The following MS4A7 variants were observed in gnomAD, a reference collection of about 807,000 sequenced individuals.
The protein encoded by MS4A7 is membrane-spanning 4-domains subfamily A member 7.
In MS4A7, 21 loss-of-function variants were observed where a neutral mutation model predicts 23.5. The observed-to-expected ratio is 0.89, with a 90% CI of 0.63 to 1.29. The LOEUF (loss-of-function observed/expected upper bound fraction) is 1.29, where lower values mean the gene tolerates loss of function less well. Ranked by LOEUF, MS4A7 falls within the 50% of genes most tolerant of loss-of-function variation. MS4A7 has a pLI of 0.00. For missense variants in MS4A7, 263 were observed against 274.2 expected, an observed-to-expected ratio of 0.96 and a Z score of 0.29; for synonymous variants, 111 against 107.4, an observed-to-expected ratio of 1.03 and a Z score of -0.21.
chr11:60,381,588 C>T (rs888900444), intron 1 of MS4A7, among the ~76,000 whole-genome samples: 2 of 152,276 alleles, frequency 1.3e-5, no homozygotes, highest in Admixed American at 1.3e-4. Flanking sequence ...GATAAGGAAA[C>T]TGGGGATGAA....
rs561710998 is a variant in MS4A7 at position 60,383,041 on chromosome 11, C to T, written c.-13-88C>T. On this transcript the variant is annotated intron_variant, in intron 1 of 6. Transcript: ENST00000300184. The stretch of plus-strand genomic sequence containing the variant: ...GCCTTGGAATAATGGCAAATACCTT[C>T]TTAAGTTCCTACAAAGTATGGTCCC... The T allele has an allele frequency of 4.0e-4, 570 of 1,414,394 alleles. 2 individuals carry two copies. Among genetic ancestry groups the T allele is most frequent in the Middle Eastern group, 5.5e-4 (3 of 5,484 alleles). The allele number at this position is 1,414,394 out of a possible 1,614,324, so 87.6% of individuals were successfully genotyped here.
intron 5 of MS4A7, chr11:60,389,861 C>G (rs1322492428): frequency 2.2e-6 from 1 of 446,960 alleles, no homozygotes; most frequent in South Asian, 2.3e-5. Context: ...AACGTTCCAA[C>G]CTTAATGGGT....
Position 60,393,939 on chromosome 11 carries a change from G to T in MS4A7, c.*78G>T. 3.3e-6 allele frequency: 3 copies of T among 899,712 alleles called. No individual in the cohort carries two copies. The highest frequency in any genetic ancestry group is 5.0e-6 in the Non-Finnish European group (3 of 600,590). The allele number at this position is 899,712 out of a possible 1,614,324, so 55.7% of individuals were successfully genotyped here. A position where few individuals can be genotyped will look rare whatever the true frequency, so the allele number is the denominator to read the frequency against. ...GTGATTAGACTTTCCTGAAATCTCT[G>T]CCATTTTAGATACTGTGAAACAAAC... On this transcript the variant is annotated 3_prime_UTR_variant, in exon 7 of 7. Coordinates refer to ENST00000300184, the MANE Select transcript of MS4A7 (RefSeq NM_021201.5).
Position 60,392,733 on chromosome 11 carries a change from G to A in MS4A7, c.595G>A (p.Ala199Thr). The A allele has an allele frequency of 4.3e-6, 7 of 1,613,972 alleles. No homozygotes were observed. The highest frequency in any genetic ancestry group is 5.9e-6 in the Non-Finnish European group (7 of 1,179,962). The change falls in exon 6 of 7, where the codon GCT becomes ACT. Residue 199 changes from alanine (A) to threonine (T), a missense_variant. Physicochemically the swap from Ala to Thr is moderately conservative, Grantham distance 58 (BLOSUM62 0). Coordinates refer to ENST00000300184, the MANE Select transcript of MS4A7 (RefSeq NM_021201.5). ...CTTCACTGTGCTGGAGCTCTTATTAGCTGCATACAGTTCTGTCTTTTGGTG... is the reference window on the plus strand; with the variant it reads ...CTTCACTGTGCTGGAGCTCTTATTAACTGCATACAGTTCTGTCTTTTGGTG... Reference protein sequence around the residue: ...LIFTVLELLLAAYSSVFWWKQ... With the variant: ...LIFTVLELLLTAYSSVFWWKQ...
At chr11:60,391,638 GC>G (rs1164811739) in intron 5 of MS4A7, among the ~76,000 whole-genome samples, 1 of 152,120 alleles carries the variant, frequency 6.6e-6, no homozygotes, top group African/African-American at 2.4e-5. Context: ...TAGAAACCAG[GC>G]CAGGTGCAGT....
chr11:60,392,923 A>G (rs927188357), intron 6 of MS4A7, 137 bp downstream of exon 6: 8 of 613,926 alleles, frequency 1.3e-5, no homozygotes, highest in Non-Finnish European at 1.1e-5. Flanking sequence ...TTATAATTAA[A>G]AAAATGAGTT....
intron 4 of MS4A7, among the ~76,000 whole-genome samples, chr11:60,388,577 T>C (rs1171673032): frequency 6.6e-6 from 1 of 152,204 alleles, no homozygotes; most frequent in African/African-American, 2.4e-5. Flanking sequence ...CTGTATCTTC[T>C]TGAGTCAGGA....
At chr11:60,385,671 G>C (rs1448252381) in intron 3 of MS4A7, among the ~76,000 whole-genome samples, 1 of 152,124 alleles carries the variant, frequency 6.6e-6, no homozygotes, top group Non-Finnish European at 1.5e-5. Flanking sequence ...ATTAACAAGG[G>C]TAAGATTCAT....
In MS4A7 at chr11:60,383,161, C is replaced by T; in HGVS notation, c.20C>T (p.Thr7Ile). The change falls in exon 2 of 7, where the codon ACC becomes ATC. Residue 7 changes from threonine to isoleucine, a missense_variant. Coordinates refer to ENST00000300184, the MANE Select transcript of MS4A7 (RefSeq NM_021201.5). ...AGCATCATGCTATTACAATCCCAAACCATGGGGGTTTCTCACAGCTTTACA... is the reference window on the plus strand; with the variant it reads ...AGCATCATGCTATTACAATCCCAAATCATGGGGGTTTCTCACAGCTTTACA... MLLQSQ[T>I]MGVSHSFTPK... 1 of 1,613,998 alleles carries T rather than the reference C, an allele frequency of 6.2e-7. No individual in the cohort carries two copies. Among genetic ancestry groups the T allele is most frequent in the Non-Finnish European group, 8.5e-7 (1 of 1,179,946 alleles).
intron 2 of MS4A7, among the ~76,000 whole-genome samples, chr11:60,384,110 G>A (rs1187353031): frequency 2.0e-5 from 3 of 152,056 alleles, no homozygotes; most frequent in Admixed American, 6.6e-5. Context: ...CCTATTCACT[G>A]CCTATTTAGA....
intron 1 of MS4A7, among the ~76,000 whole-genome samples, chr11:60,381,745 G>A (rs114663695): frequency 2.0e-5 from 3 of 152,098 alleles, no homozygotes; most frequent in Non-Finnish European, 4.4e-5. Flanking sequence ...TATCCAACCT[G>A]TACCACAAAC....
chr11:60,392,055 T>C (rs953775813), intron 5 of MS4A7, among the ~76,000 whole-genome samples: 4 of 151,482 alleles, frequency 2.6e-5, no homozygotes, highest in Admixed American at 2.6e-4. Context: ...AATTAAAAAC[T>C]GAGCAGATCA....
At chr11:60,389,743 GC>G (rs1565168127) in intron 5 of MS4A7, 147 bp downstream of exon 5, 1 of 708,532 alleles carries the variant, frequency 1.4e-6, no homozygotes, top group Non-Finnish European at 2.5e-6. Context: ...GTTGGAAGAG[GC>G]CTGTCTGCTG....
At chr11:60,389,361 G>A (rs1204430664) in intron 4 of MS4A7, 29 bp from the exon 5 acceptor site, 3 of 1,575,332 alleles carry the variant, frequency 1.9e-6, no homozygotes, top group Admixed American at 1.7e-5. Context: ...ATTCTGTGAT[G>A]AGAACCCAAT....
In MS4A7 at chr11:60,392,862, G is replaced by T. The variant is rs2085569084; in HGVS notation, c.648+76G>T. On this transcript the variant is annotated intron_variant, in intron 6 of 6. Coordinates refer to ENST00000300184, the MANE Select transcript of MS4A7 (RefSeq NM_021201.5). ...TACAATAATCCAACCTCAAAAAGTG[G>T]CAAAAAGAAGAATCAATTATTGTTC... 12 of 1,042,970 alleles carry T rather than the reference G, an allele frequency of 1.2e-5. No homozygotes were observed. In the South Asian group the frequency reaches 1.5e-4, roughly 13 times the overall value. The allele number at this position is 1,042,970 out of a possible 1,614,324, so 64.6% of individuals were successfully genotyped here.
chr11:60,385,215 C>G lies in MS4A7; in HGVS notation c.275C>G (p.Ala92Gly), dbSNP rs148346043. The G allele has an allele frequency of 4.2e-3, 6,770 of 1,614,000 alleles. 26 individuals are homozygous for G. The highest frequency in any genetic ancestry group is 5.2e-3 in the Admixed American group (311 of 60,012). Residue 92 changes from alanine (A) to glycine (G), a missense_variant, in exon 3 of 7, where the codon GCT becomes GGT. By Grantham distance (60) the Ala-to-Gly change is moderately conservative. Transcript: ENST00000300184. ...ATGTCTGGGTACCCATTTTTAGGAG[C>G]TCTGTGTGTGAGTAGAATGGGGACT... is the stretch of plus-strand genomic sequence containing the variant. The part of the protein sequence containing the change: ...TLMSGYPFLG[A>G]LCFGITGSLS...
chr11:60,383,106 C>A (rs1161005740), intron 1 of MS4A7, 23 bp from the exon 2 acceptor site: 1 of 1,606,666 alleles, frequency 6.2e-7, no homozygotes, highest in Non-Finnish European at 8.5e-7. Context: ...TGGGAAGTAA[C>A]TGAGTTTTGA....
chr11:60,380,367 C>T (rs78634192), intron 1 of MS4A7, among the ~76,000 whole-genome samples: 7,388 of 152,218 alleles, frequency 0.049, 235 homozygotes, highest in South Asian at 0.15. Context: ...CAAGAGTGAT[C>T]GGGTGGCAGT....
At chr11:60,381,827 C>T (rs574979518) in intron 1 of MS4A7, among the ~76,000 whole-genome samples, 7 of 152,218 alleles carry the variant, frequency 4.6e-5, no homozygotes, top group South Asian at 2.1e-4. Context: ...TCTGAACACA[C>T]GACTGGACTC....
Sources: gnomAD v4.1 joint callset for allele counts (sites outside exome capture counted in the v4.1 genomes callset) on GRCh38, gnomAD v4.1.1 for gene constraint, MANE v1.5 for transcripts, NCBI Gene and HGNC (gene_info 2026-07-23, HGNC 2026-07-21) for gene names.